MYCBP2: variants seen among roughly 807,000 people sequenced by gnomAD.
The protein encoded by MYCBP2 is E3 ubiquitin-protein ligase MYCBP2.
In MYCBP2, 120 loss-of-function variants were observed where a neutral mutation model predicts 525.3. That is an observed-to-expected ratio of 0.23 (90% CI 0.20 to 0.27). The LOEUF is 0.27. Ranked by LOEUF, MYCBP2 falls within the 10% of genes least tolerant of loss-of-function variation. MYCBP2 has a pLI of 1.00. For missense variants in MYCBP2, 4,149 were observed against 5,657.1 expected (o/e 0.73, Z 8.55); for synonymous variants, 1,894 against 1,955.8 (o/e 0.97, Z 0.83).
At chr13:77,255,838 T>C (rs928145119) in intron 14 of MYCBP2, among the ~76,000 whole-genome samples, 1 of 152,014 alleles carries the variant, frequency 6.6e-6, no homozygotes, top group South Asian at 2.1e-4. Context: ...TGTTAATTTA[T>C]ACAGCATTAA....
At chr13:77,296,215 T>C (rs567236676) in intron 2 of MYCBP2, among the ~76,000 whole-genome samples, 1 of 151,708 alleles carries the variant, frequency 6.6e-6, no homozygotes, top group East Asian at 1.9e-4. Context: ...AGCCCACGAG[T>C]TCGAGACAAG....
At chr13:77,169,055 C>T (rs1566788640) in intron 39 of MYCBP2, among the ~76,000 whole-genome samples, 1 of 152,212 alleles carries the variant, frequency 6.6e-6, no homozygotes, top group Non-Finnish European at 1.5e-5. Flanking sequence ...ATAATCTTTC[C>T]TTACATATCA....
intron 79 of MYCBP2, among the ~76,000 whole-genome samples, chr13:77,056,160 T>TGTGTGTGTGTG (rs2038002483): frequency 2.4e-5 from 2 of 84,942 alleles, no homozygotes; most frequent in African/African-American, 4.2e-5. Flanking sequence ...GTGTGTGTGT[T>TGTGTGTGTGTG]TTGCTTCCTT....
intron 55 of MYCBP2, among the ~76,000 whole-genome samples, chr13:77,112,564 T>G (rs1231818002): frequency 6.6e-6 from 1 of 151,770 alleles, no homozygotes; most frequent in Non-Finnish European, 1.5e-5. Context: ...TAGCTAGGAT[T>G]ACAGGTGTGC....
At chr13:77,219,596 A>C (rs1041973684) in intron 20 of MYCBP2, among the ~76,000 whole-genome samples, 1 of 152,146 alleles carries the variant, frequency 6.6e-6, no homozygotes, top group African/African-American at 2.4e-5. Context: ...TTTCATAGCA[A>C]GGACACAACA....
chr13:77,326,867 G>A lies in MYCBP2; in HGVS notation c.-92C>T, dbSNP rs545261481. ...CACACAGCCCTTTTCCAACGACGACGGCTCCGGCGGCGGCCTCTGGCTCCC... is the reference window on the plus strand; with the variant it reads ...CACACAGCCCTTTTCCAACGACGACAGCTCCGGCGGCGGCCTCTGGCTCCC... On this transcript the variant is annotated 5_prime_UTR_variant, in exon 1 of 83. Transcript: ENST00000544440. The surrounding 1 kb of genome is among the most constrained non-coding windows in gnomAD (Gnocchi z 4.2). 95 of 1,235,642 alleles carry A rather than the reference G, an allele frequency of 7.7e-5. No individual in the cohort carries two copies. The East Asian group carries it at 2.1e-3, about 27-fold the overall frequency. 76.5% of individuals were successfully genotyped at this position (1,235,642 alleles called of 1,614,324 possible). A position where few individuals can be genotyped will look rare whatever the true frequency, so the allele number is the denominator to read the frequency against.
intron 51 of MYCBP2, 117 bp from the exon 52 acceptor site, chr13:77,139,453 GT>G: frequency 8.6e-7 from 1 of 1,158,622 alleles, no homozygotes; most frequent in Non-Finnish European, 1.2e-6. Flanking sequence ...TAAGCATCTA[GT>G]TTTTGCAGAA....
Position 77,073,408 on chromosome 13 carries a change from C to A in MYCBP2, c.11824-2697G>T, listed in dbSNP as rs538098602. 3.9e-5 allele frequency among the ~76,000 whole-genome samples: 6 copies of A among 152,202 alleles called. No individual in the cohort carries two copies. The South Asian group carries it at 6.2e-4, about 16-fold the overall frequency. ...TCTCCAATCTTATTAAAAAGATTCA[C>A]CCCCAAAAAATCTACAGTTCACATC... On this transcript the variant is annotated intron_variant, in intron 68 of 82. Transcript: ENST00000544440.
intron 18 of MYCBP2, 60 bp downstream of exon 18, chr13:77,233,096 T>C (rs1202825837): frequency 2.1e-6 from 3 of 1,439,432 alleles, no homozygotes; most frequent in Admixed American, 1.7e-5. Context: ...GAGACAAAAT[T>C]CAAATGAGTG....
chr13:77,170,577 CTTT>C (rs1157749294), intron 38 of MYCBP2, among the ~76,000 whole-genome samples: 5 of 138,974 alleles, frequency 3.6e-5, no homozygotes, highest in Non-Finnish European at 4.7e-5. Context: ...GTGGAGGTAA[CTTT>C]TTTTTTTTTT....
At chr13:77,240,263 A>T (rs942041985) in intron 17 of MYCBP2, among the ~76,000 whole-genome samples, 10 of 152,196 alleles carry the variant, frequency 6.6e-5, no homozygotes, top group African/African-American at 2.4e-4. Flanking sequence ...TTGATTTTTT[A>T]AAAAATGAAT....
At chr13:77,249,644 C>T (rs562373245) in intron 15 of MYCBP2, among the ~76,000 whole-genome samples, 3 of 152,110 alleles carry the variant, frequency 2.0e-5, no homozygotes, top group Non-Finnish European at 2.9e-5. Flanking sequence ...ATCCTCTGGC[C>T]TCAGCCTCCC....
chr13:77,201,707 T>G (rs982461365), intron 26 of MYCBP2, among the ~76,000 whole-genome samples: 4 of 151,928 alleles, frequency 2.6e-5, no homozygotes, highest in Admixed American at 1.3e-4. Context: ...CAGACCACAG[T>G]GCAATCAAAC....
intron 4 of MYCBP2, among the ~76,000 whole-genome samples, chr13:77,273,961 C>T (rs940320847): frequency 5.9e-5 from 9 of 152,062 alleles, no homozygotes; most frequent in Admixed American, 4.6e-4. Context: ...GAAACTCATC[C>T]TATCAAGTAA....
chr13:77,214,893 CACTGACCAAAAT>C (rs1214660987), intron 21 of MYCBP2, among the ~76,000 whole-genome samples: 2 of 152,182 alleles, frequency 1.3e-5, no homozygotes, highest in Non-Finnish European at 2.9e-5. Context: ...CGCAGTCCAT[CACTGACCAAAAT>C]ACTGTTATAC....
At chr13:77,146,799 C>G (rs963616069) in intron 47 of MYCBP2, among the ~76,000 whole-genome samples, 8 of 152,270 alleles carry the variant, frequency 5.3e-5, no homozygotes, top group African/African-American at 1.9e-4. Context: ...GCAGCACCTG[C>G]TACTTTCATA....
At chr13:77,290,663 T>C (rs542844153) in intron 2 of MYCBP2, among the ~76,000 whole-genome samples, 6 of 152,274 alleles carry the variant, frequency 3.9e-5, no homozygotes, top group African/African-American at 1.4e-4. Flanking sequence ...ATGGCAAAAT[T>C]ATAAATGCTG....
At chr13:77,157,019 T>C (rs2057291533) in intron 45 of MYCBP2, among the ~76,000 whole-genome samples, 2 of 152,184 alleles carry the variant, frequency 1.3e-5, no homozygotes, top group African/African-American at 2.4e-5. Flanking sequence ...CATATTTTTT[T>C]CCCTTTTCAT....
chr13:77,045,065 C>CCCATA lies in MYCBP2; in HGVS notation c.*312_*313insTATGG, dbSNP rs1354927220. On this transcript the variant is annotated 3_prime_UTR_variant, in exon 83 of 83. Coordinates refer to ENST00000544440, the MANE Select transcript of MYCBP2 (RefSeq NM_015057.5). ...GCCAGCATCGTTCTTAGTCCATGGG[C>CCCATA]ATGGCGATTCTTTTATATCAATTAT... is the stretch of plus-strand genomic sequence containing the variant. 3.4e-5 allele frequency: 14 copies of CCCATA among 411,334 alleles called. No individual in the cohort carries two copies. The highest frequency in any genetic ancestry group is 6.1e-4 in the Middle Eastern group (1 of 1,642). 25.5% of individuals were successfully genotyped at this position (411,334 alleles called of 1,614,324 possible).
Sources: allele counts gnomAD v4.1 joint callset (sites outside exome capture counted in the v4.1 genomes callset), GRCh38; gene constraint gnomAD v4.1.1; non-coding constraint Gnocchi (gnomAD v3.1); transcripts MANE v1.5; gene names NCBI Gene and HGNC (gene_info 2026-07-23, HGNC 2026-07-21).